The following EIF2AK3 variants were observed in gnomAD, a reference collection of about 807,000 sequenced individuals.
The protein encoded by EIF2AK3 is eukaryotic translation initiation factor 2 alpha kinase 3.
EIF2AK3 carries 50 observed loss-of-function variants against 113.5 expected under a neutral mutation model. The ratio of observed to expected loss-of-function variants is 0.44; its 90% CI spans 0.35 to 0.56. The LOEUF (loss-of-function observed/expected upper bound fraction) is 0.56. Among genes scored for constraint, EIF2AK3 ranks in the 20% least tolerant of loss-of-function variants. EIF2AK3 has a pLI of 0.00. For synonymous variants in EIF2AK3, 448 were observed against 495.4 expected (o/e 0.90, Z 1.27); for missense variants, 1,185 against 1,378.0 (o/e 0.86, Z 2.22).
At chr2:88,628,021 A>T (rs1558669564), upstream of EIF2AK3, 1 of 152,396 alleles carries the variant, frequency 6.6e-6, no homozygotes, top group Non-Finnish European at 1.5e-5. Context: ...AAGCAGCAAG[A>T]AGTGGCCACA....
Position 88,557,607 on chromosome 2 carries a change from TA to T in EIF2AK3, c.*128del. The T allele has an allele frequency of 2.4e-5, 24 of 999,596 alleles. No individual in the cohort carries two copies. The highest frequency in any genetic ancestry group is 3.3e-5 in the Non-Finnish European group (21 of 631,212). 61.9% of individuals were successfully genotyped at this position (999,596 alleles called of 1,614,324 possible). ...CCCCAAATCCAGCTTAAATTTGATATAAAAAAAGTAGTCCACAAAAAAATTG... is the reference window on the plus strand; with the variant it reads ...CCCCAAATCCAGCTTAAATTTGATATAAAAAAGTAGTCCACAAAAAAATTG... On this transcript the variant is annotated 3_prime_UTR_variant, in exon 17 of 17. Coordinates refer to ENST00000303236, the MANE Select transcript of EIF2AK3 (RefSeq NM_004836.7).
In EIF2AK3 at chr2:88,613,819, T is replaced by C. The variant is rs1314896894; in HGVS notation, c.343A>G (p.Ile115Val). The C allele has an allele frequency of 6.2e-7, 1 of 1,613,630 alleles. No homozygotes were observed. Among genetic ancestry groups the C allele is most frequent in the African/African-American group, 1.3e-5 (1 of 74,928 alleles). ...LVIISTLDGR[I>V]AALDPENHGK... ...TGATTTTCAGGATCCAAGGCAGCAA[T>C]TCTCCCATCTAAAGTGCTGATAATT... Residue 115 changes from isoleucine (I) to valine (V), a missense_variant, in exon 2 of 17, where the codon ATT (isoleucine) becomes GTT (valine). Physicochemically the swap from Ile to Val is conservative, Grantham distance 29. This residue lies in a region of EIF2AK3 where 189 missense variants were observed against 175.2 expected (regional missense o/e 1.08). Transcript: ENST00000303236.
chr2:88,611,799 T>A (rs777603280), intron 2 of EIF2AK3, among the ~76,000 whole-genome samples: 9 of 152,178 alleles, frequency 5.9e-5, no homozygotes, highest in Non-Finnish European at 1.2e-4. Context: ...CCTTGCTAAT[T>A]TTTTGTATTT....
At chr2:88,616,423 G>A (rs1187855458) in intron 1 of EIF2AK3, among the ~76,000 whole-genome samples, 2 of 152,154 alleles carry the variant, frequency 1.3e-5, no homozygotes, top group African/African-American at 4.8e-5. Flanking sequence ...TTATTTATTT[G>A]TTTTTATTTA....
intron 2 of EIF2AK3, among the ~76,000 whole-genome samples, chr2:88,604,884 A>G (rs531648200): frequency 6.6e-6 from 1 of 152,354 alleles, no homozygotes; most frequent in East Asian, 1.9e-4. Flanking sequence ...GGTAAGCATT[A>G]AGGTATTTTA....
intron 15 of EIF2AK3, among the ~76,000 whole-genome samples, chr2:88,559,555 C>G (rs1011458593): frequency 7.2e-6 from 1 of 139,432 alleles, no homozygotes; most frequent in African/African-American, 2.7e-5. Flanking sequence ...TGTACATTTA[C>G]ATATATGTGT....
chr2:88,595,939 A>G, intron 2 of EIF2AK3: 1 of 482,350 alleles, frequency 2.1e-6, no homozygotes, highest in Non-Finnish European at 3.8e-6. Flanking sequence ...CCATGGGCCA[A>G]AAGGGTCCCA....
At chr2:88,614,853 C>A (rs1573422324) in intron 1 of EIF2AK3, among the ~76,000 whole-genome samples, 2 of 152,216 alleles carry the variant, frequency 1.3e-5, no homozygotes, top group Admixed American at 6.5e-5. Context: ...CTCACTCCTA[C>A]ATCTGTGCAG....
chr2:88,559,183 T>G (rs942842164), intron 15 of EIF2AK3, among the ~76,000 whole-genome samples: 2 of 152,194 alleles, frequency 1.3e-5, no homozygotes, highest in African/African-American at 4.8e-5. Context: ...ATACAGCTGG[T>G]CTTCCACATC....
intron 4 of EIF2AK3, among the ~76,000 whole-genome samples, chr2:88,592,208 TCA>T (rs1475353845): frequency 6.6e-6 from 1 of 152,154 alleles, no homozygotes; most frequent in Non-Finnish European, 1.5e-5. Flanking sequence ...CATTTTTTAA[TCA>T]CATATTTAAA....
In EIF2AK3 at chr2:88,588,917, C is replaced by T; in HGVS notation, c.1166-16G>A. 1 of 1,612,560 alleles carries T rather than the reference C, an allele frequency of 6.2e-7. No homozygotes were observed. The highest frequency in any genetic ancestry group is 8.5e-7 in the Non-Finnish European group (1 of 1,179,354). ...CTATACATTCCTGAATCAACCAGAA[C>T]ATTGTCAATTATGCATTGATTTTTT... On this transcript the variant is annotated splice_polypyrimidine_tract_variant and intron_variant, in intron 6 of 16. Transcript: ENST00000303236.
intron 2 of EIF2AK3, among the ~76,000 whole-genome samples, chr2:88,611,503 T>A (rs1473008484): frequency 6.6e-6 from 1 of 152,114 alleles, no homozygotes; most frequent in Non-Finnish European, 1.5e-5. Context: ...ACCTTCAGAT[T>A]TTCTTTTTTT....
chr2:88,614,698 C>T (rs1245951277), intron 1 of EIF2AK3, among the ~76,000 whole-genome samples: 1 of 152,134 alleles, frequency 6.6e-6, no homozygotes, highest in Admixed American at 6.6e-5. Flanking sequence ...CCTTCACTAC[C>T]ACCATGCCCT....
chr2:88,624,054 C>T (rs760901362), intron 1 of EIF2AK3, among the ~76,000 whole-genome samples: 5 of 151,822 alleles, frequency 3.3e-5, no homozygotes, highest in Admixed American at 6.6e-5. Context: ...TGCAGTGTCA[C>T]GATCTCAGCT....
chr2:88,594,288 G>A (rs1355040148), intron 3 of EIF2AK3, among the ~76,000 whole-genome samples: 1 of 152,198 alleles, frequency 6.6e-6, no homozygotes, highest in Non-Finnish European at 1.5e-5. Context: ...CACCTCCCAG[G>A]TTCAAGTGAT....
chr2:88,622,793 A>C (rs930561031), intron 1 of EIF2AK3, among the ~76,000 whole-genome samples: 3 of 152,226 alleles, frequency 2.0e-5, no homozygotes, highest in Non-Finnish European at 4.4e-5. Context: ...GTAGTTAAAA[A>C]AACAAACAAA....
rs546100541 is a variant in EIF2AK3, at chr2:88,578,380, T to C, written c.1886+1138A>G. Among the ~76,000 whole-genome samples the C allele has an allele frequency of 2.0e-5, 3 of 152,206 alleles. No homozygotes were observed. The South Asian group carries it at 6.2e-4, about 32-fold the overall frequency. On this transcript the variant is annotated intron_variant, in intron 11 of 16. Coordinates refer to ENST00000303236, the MANE Select transcript of EIF2AK3 (RefSeq NM_004836.7). Reference sequence around the variant, plus strand: ...CTGGCCAACACGGTGAAACACTGTCTCTACTAAAAATACAAAAATTAGCCG... The same window carrying C: ...CTGGCCAACACGGTGAAACACTGTCCCTACTAAAAATACAAAAATTAGCCG...
chr2:88,595,960 T>C lies in EIF2AK3; in HGVS notation c.439-297A>G, dbSNP rs1056556063. On this transcript the variant is annotated intron_variant, in intron 2 of 16. Coordinates refer to ENST00000303236, the MANE Select transcript of EIF2AK3 (RefSeq NM_004836.7). ...GCCAAAAGGGTCCCATAATGGTAGG[T>C]GAGTTACCAAAAGAGAGTTTTATGA... 4 of 437,516 alleles carry C rather than the reference T, an allele frequency of 9.1e-6. No homozygotes were observed. The Admixed American group carries it at 1.1e-4, about 13-fold the overall frequency. The allele number at this position is 437,516 out of a possible 1,614,324, so 27.1% of individuals were successfully genotyped here.
At chr2:88,600,105 G>A (rs751503633) in intron 2 of EIF2AK3, among the ~76,000 whole-genome samples, 23 of 152,142 alleles carry the variant, frequency 1.5e-4, no homozygotes, top group African/African-American at 5.1e-4. Flanking sequence ...TCTGGATTGT[G>A]ATTTTAAAAG....
Sources: gnomAD v4.1 joint callset for allele counts (sites outside exome capture counted in the v4.1 genomes callset) on GRCh38, gnomAD v4.1.1 for gene constraint, gnomAD v4.1.1 regional missense constraint, MANE v1.5 for transcripts, NCBI Gene and HGNC (gene_info 2026-07-23, HGNC 2026-07-21) for gene names.